UBE4B: variants seen among roughly 807,000 people sequenced by gnomAD.
UBE4B encodes the protein ubiquitination factor E4B, also known as ubiquitin conjugation factor E4 B.
UBE4B carries 27 observed loss-of-function variants against 148.1 expected under a neutral mutation model. The ratio of observed to expected loss-of-function variants is 0.18; its 90% confidence interval spans 0.13 to 0.25. The LOEUF is 0.25. UBE4B is among the 10% of genes least tolerant of loss of function. The pLI is 1.00. For synonymous variants in UBE4B, 596 were observed against 619.3 expected (o/e 0.96, Z 0.56); for missense variants, 1,170 against 1,662.4 (o/e 0.70, Z 5.15).
intron 17 of UBE4B, among the ~76,000 whole-genome samples, chr1:10,142,127 A>G (rs565832512): frequency 4.6e-5 from 7 of 152,076 alleles, no homozygotes; most frequent in East Asian, 1.9e-4. Context: ...GATCATGTAT[A>G]TAGCTGTTTT....
chr1:10,085,592 A>G (rs1057504529), intron 2 of UBE4B, among the ~76,000 whole-genome samples: 2 of 152,214 alleles, frequency 1.3e-5, no homozygotes, highest in African/African-American at 4.8e-5. Flanking sequence ...ACTATGCAGC[A>G]TGGTTTTCAA....
chr1:10,034,122 A>G (rs1333982013), intron 1 of UBE4B, among the ~76,000 whole-genome samples: 1 of 152,214 alleles, frequency 6.6e-6, no homozygotes, highest in East Asian at 1.9e-4. Flanking sequence ...AATTCCAGAT[A>G]TGTGTGGTTA....
At position 10,145,766 on chromosome 1, in the gene UBE4B, C is replaced by G. The variant is rs568841103; in HGVS notation, c.2463+727C>G. The stretch of plus-strand genomic sequence containing the variant: ...AGTATCTGTGGTAGTGGAAAGATCT[C>G]TTTCCTTTGCCCCTCATTCTTTCTT... On this transcript the variant is annotated intron_variant, in intron 18 of 27. Coordinates refer to ENST00000343090, the MANE Select transcript of UBE4B (RefSeq NM_001105562.3). Among the ~76,000 whole-genome samples the G allele has an allele frequency of 2.0e-5, 3 of 152,294 alleles. No homozygotes were observed. In the East Asian group the frequency reaches 5.8e-4, roughly 29 times the overall value.
chr1:10,154,472 A>T (rs186551277), intron 21 of UBE4B, among the ~76,000 whole-genome samples: 11 of 152,194 alleles, frequency 7.2e-5, no homozygotes. Context: ...AATTTATTCA[A>T]TGGAAATAAT....
At chr1:10,138,092 G>A (rs957236865) in intron 17 of UBE4B, among the ~76,000 whole-genome samples, 3 of 147,616 alleles carry the variant, frequency 2.0e-5, no homozygotes, top group Non-Finnish European at 3.0e-5. Flanking sequence ...GCACCACCAC[G>A]CCTGGCCAAT....
intron 1 of UBE4B, among the ~76,000 whole-genome samples, chr1:10,068,034 T>G (rs1407103543): frequency 2.0e-5 from 3 of 151,326 alleles, no homozygotes; most frequent in Non-Finnish European, 2.9e-5. Flanking sequence ...GGCCAGTTTT[T>G]TTTTTTTTTT....
At chr1:10,165,648 C>T (rs1407900481) in intron 23 of UBE4B, among the ~76,000 whole-genome samples, 1 of 152,170 alleles carries the variant, frequency 6.6e-6, no homozygotes, top group Non-Finnish European at 1.5e-5. Flanking sequence ...GACTCACCTC[C>T]TGGCCCTTCC....
chr1:10,076,634 G>A (rs536898571), intron 2 of UBE4B, among the ~76,000 whole-genome samples: 2 of 152,096 alleles, frequency 1.3e-5, no homozygotes, highest in South Asian at 2.1e-4. Flanking sequence ...GTCATTTGGT[G>A]GCCCTCTTAG....
intron 7 of UBE4B, among the ~76,000 whole-genome samples, chr1:10,107,614 G>C (rs1308645783): frequency 1.0e-5 from 1 of 100,142 alleles, no homozygotes; most frequent in African/African-American, 3.9e-5. Context: ...TTCTGCTCTT[G>C]TTGCCCAGGC....
intron 10 of UBE4B, among the ~76,000 whole-genome samples, chr1:10,126,125 C>T (rs1194063414): frequency 6.6e-6 from 1 of 152,104 alleles, no homozygotes; most frequent in Admixed American, 6.6e-5. Context: ...AAAGTGAAAC[C>T]CCGTCTCTAC....
chr1:10,072,238 G>T, intron 2 of UBE4B, 24 bp downstream of exon 2: 2 of 1,597,580 alleles, frequency 1.3e-6, no homozygotes, highest in Non-Finnish European at 1.7e-6. Flanking sequence ...TCATACCTGG[G>T]ACTCTTTTGT....
chr1:10,111,934 G>A (rs1157782529), intron 7 of UBE4B, among the ~76,000 whole-genome samples: 1 of 150,738 alleles, frequency 6.6e-6, no homozygotes, highest in African/African-American at 2.5e-5. Context: ...TCCAGCCTGG[G>A]CAACACAGCA....
chr1:10,164,089 T>C (rs1646210082), intron 23 of UBE4B, among the ~76,000 whole-genome samples: 1 of 151,692 alleles, frequency 6.6e-6, no homozygotes, highest in African/African-American at 2.4e-5. Context: ...GCCTGTAATA[T>C]CAGCACTTTG....
At chr1:10,066,938 G>T (rs1644397086) in intron 1 of UBE4B, among the ~76,000 whole-genome samples, 1 of 152,032 alleles carries the variant, frequency 6.6e-6, no homozygotes, top group South Asian at 2.1e-4. Flanking sequence ...AGGAGTTATT[G>T]TCATCTTTCC....
intron 25 of UBE4B, among the ~76,000 whole-genome samples, chr1:10,178,255 G>A (rs763186424): frequency 3.2e-4 from 49 of 151,940 alleles, no homozygotes; most frequent in African/African-American, 6.3e-4. Context: ...AGGCTGCCAG[G>A]GCACAGTGCC....
intron 22 of UBE4B, among the ~76,000 whole-genome samples, chr1:10,159,658 C>T (rs1292531455): frequency 6.6e-6 from 1 of 152,148 alleles, no homozygotes; most frequent in African/African-American, 2.4e-5. Flanking sequence ...GCACTCCAGC[C>T]TGGGCGACAG....
Position 10,159,783 on chromosome 1 carries a change from G to A in UBE4B, c.3053+1301G>A, listed in dbSNP as rs528917439. On this transcript the variant is annotated intron_variant, in intron 22 of 27. Coordinates refer to ENST00000343090, the MANE Select transcript of UBE4B (RefSeq NM_001105562.3). ...TCAAATCTAGCTATACTTGTTAACC[G>A]AATTACTAGTCAATAATATACAAAT... is the stretch of plus-strand genomic sequence containing the variant. 4.6e-5 allele frequency among the ~76,000 whole-genome samples: 7 copies of A among 152,314 alleles called. No individual in the cohort carries two copies. The East Asian group carries it at 5.8e-4, about 13-fold the overall frequency.
intron 7 of UBE4B, chr1:10,107,504 A>G (rs1557559570): frequency 6.7e-6 from 7 of 1,049,818 alleles, no homozygotes; most frequent in Non-Finnish European, 8.6e-6. Context: ...TCCAGAGTAT[A>G]TTGATGTGTT....
intron 2 of UBE4B, among the ~76,000 whole-genome samples, chr1:10,073,626 A>G (rs11589489): frequency 0.017 from 2,585 of 152,274 alleles, 77 homozygotes; most frequent in Admixed American, 0.075. Context: ...AGGCTGAGGC[A>G]TGAGAATTGC....
Sources: allele counts gnomAD v4.1 joint callset (sites outside exome capture counted in the v4.1 genomes callset), GRCh38; gene constraint gnomAD v4.1.1; transcripts MANE v1.5; gene names NCBI Gene and HGNC (gene_info 2026-07-23, HGNC 2026-07-21).